The following ANO7 variants were observed in gnomAD, a reference collection of about 807,000 sequenced individuals.
ANO7 encodes the protein anoctamin-7.
In ANO7, 114 loss-of-function variants were observed where a neutral mutation model predicts 115.8. The ratio of observed to expected loss-of-function variants is 0.98; its 90% CI spans 0.85 to 1.15. The LOEUF (loss-of-function observed/expected upper bound fraction) is 1.15, where lower values mean the gene tolerates loss of function less well. ANO7 is among the 50% of genes most tolerant of loss of function. ANO7 has a pLI of 0.00. For missense variants in ANO7, 1,302 were observed against 1,201.2 expected (o/e 1.08, Z -1.24); for synonymous variants, 550 against 498.2 (o/e 1.10, Z -1.38).
chr2:241,238,603 G>A, the ANO7 span: 1 of 1,426,914 alleles, frequency 7.0e-7, no homozygotes, highest in Non-Finnish European at 9.3e-7. The surrounding 1 kb of genome is among the most constrained non-coding windows in gnomAD (Gnocchi z 4.9). Flanking sequence ...TCTCACATGG[G>A]AGGCGCCACT....
downstream of ANO7, among the ~76,000 whole-genome samples, chr2:241,230,512 C>T (rs1188460168): frequency 6.6e-6 from 1 of 152,238 alleles, no homozygotes; most frequent in Non-Finnish European, 1.5e-5. This position sits in a 1 kb window ranked among gnomAD's most constrained non-coding sequence, Gnocchi z 5.0. Flanking sequence ...AATTCCCACC[C>T]ACAGAGGACG....
chr2:241,210,266 G>A, intron 13 of ANO7, 29 bp from the exon 14 acceptor site: 1 of 1,607,796 alleles, frequency 6.2e-7, no homozygotes, highest in South Asian at 1.1e-5. Flanking sequence ...ACACCGTGAA[G>A]GGTCTCACGG....
At chr2:241,231,858 C>G in the ANO7 span, among the ~76,000 whole-genome samples, 5 of 152,092 alleles carry the variant, frequency 3.3e-5, no homozygotes, top group African/African-American at 7.2e-5. Context: ...GTCCACAACA[C>G]AAAAACCACC....
chr2:241,232,355 A>G, the ANO7 span, among the ~76,000 whole-genome samples: 1 of 151,198 alleles, frequency 6.6e-6, no homozygotes, highest in Non-Finnish European at 1.5e-5. Context: ...AGCTCACTGC[A>G]GCCTCCGCCT....
At chr2:241,239,749 C>G in the ANO7 span, 2 of 1,614,222 alleles carry the variant, frequency 1.2e-6, no homozygotes, top group Non-Finnish European at 8.5e-7. This position sits in a 1 kb window ranked among gnomAD's most constrained non-coding sequence, Gnocchi z 4.6. Context: ...CCCGCAAGAC[C>G]TGGCCTCTGC....
At chr2:241,229,642 G>C (rs1174659237), downstream of ANO7, 2 of 1,614,142 alleles carry the variant, frequency 1.2e-6, no homozygotes, top group Non-Finnish European at 8.5e-7. Context: ...GGAGCCACCT[G>C]AGCCCCAAAG....
At chr2:241,228,063 C>A (rs944664356), downstream of ANO7, 2 of 152,364 alleles carry the variant, frequency 1.3e-5, no homozygotes, top group South Asian at 2.1e-4. Context: ...TGGGTCTACT[C>A]AAGAATTCGA....
In ANO7 at chr2:241,203,045, A is replaced by C. The variant is rs1277606397; in HGVS notation, c.724-288A>C. 6.6e-6 allele frequency among the ~76,000 whole-genome samples: 1 copy of C among 152,120 alleles called. No individual in the cohort carries two copies. The highest frequency in any genetic ancestry group is 2.4e-5 in the African/African-American group (1 of 41,414). On this transcript the variant is annotated intron_variant, in intron 8 of 24. Transcript: ENST00000674324. The surrounding 1 kb of genome is among the most constrained non-coding windows in gnomAD (Gnocchi z 4.8). ...ACCCAGAGAAGGTGCTGGACCCTGGACCACCGCCACTGGCTTCTCTCAGGG... is the reference window on the plus strand; with the variant it reads ...ACCCAGAGAAGGTGCTGGACCCTGGCCCACCGCCACTGGCTTCTCTCAGGG...
At chr2:241,236,835 T>C in the ANO7 span, 1 of 1,539,620 alleles carries the variant, frequency 6.5e-7, no homozygotes, top group Non-Finnish European at 8.9e-7. Flanking sequence ...TTGTTCAGAA[T>C]GCATATGTCT....
Position 241,217,728 on chromosome 2 carries a change from C to A in ANO7, c.2015C>A (p.Pro672Gln). 6.2e-7 allele frequency: 1 copy of A among 1,600,918 alleles called. No individual in the cohort carries two copies. The highest frequency in any genetic ancestry group is 1.1e-5 in the South Asian group (1 of 89,268). The change falls in exon 20 of 25, where the codon CCG becomes CAG. Residue 672 changes from proline (P) to glutamine (Q), a missense_variant. By Grantham distance (76) the Pro-to-Gln change is moderately conservative. Coordinates refer to ENST00000674324, the MANE Select transcript of ANO7 (RefSeq NM_001370694.2). ...GFVTIFVAACPLAPLFALLNN... is the reference protein window; with the variant it reads ...GFVTIFVAACQLAPLFALLNN... ...GTCACCATCTTCGTGGCCGCCTGTC[C>A]GCTCGCGCCGCTCTTCGCCCTGCTC...
rs780436090 is a variant in ANO7 at position 241,209,605 on chromosome 2, G to C, written c.1329G>C (p.Met443Ile). The C allele has an allele frequency of 7.5e-6, 12 of 1,590,970 alleles. No homozygotes were observed. Among genetic ancestry groups the C allele is most frequent in the Non-Finnish European group, 9.4e-6 (11 of 1,169,232 alleles). The change falls in exon 13 of 25, where the codon ATG becomes ATC. Residue 443 changes from methionine (M) to isoleucine (I), a missense_variant. Coordinates refer to ENST00000674324, the MANE Select transcript of ANO7 (RefSeq NM_001370694.2). The part of the protein sequence containing the change: ...YFPERSRARR[M>I]LAGSVVIVVM... ...CTGAGAGGAGCCGCGCGCGCCGCAT[G>C]CTGGCCGGCTCTGTGGTGATCGTGG...
rs147198890 is a variant in ANO7, at chr2:241,209,557, G to A, written c.1281G>A (p.Thr427=). ...SAPMTAPNPI[T]GEDEPYFPER... ...CCATGACAGCCCCGAACCCCATCAC[G>A]GGTGAGGACGAGCCCTACTTCCCTG... The change falls in exon 13 of 25, where the codon ACG becomes ACA. Residue 427 remains threonine, a synonymous_variant. Transcript: ENST00000674324. 1.7e-3 allele frequency: 2,802 copies of A among 1,601,408 alleles called. 5 individuals carry two copies. The highest frequency in any genetic ancestry group is 2.2e-3 in the Non-Finnish European group (2,533 of 1,174,854).
Position 241,190,084 on chromosome 2 carries a change from G to A in ANO7, c.21G>A (p.Gln7=). Residue 7 remains glutamine, a synonymous_variant, in exon 2 of 25, where the codon CAG becomes CAA. Coordinates refer to ENST00000674324, the MANE Select transcript of ANO7 (RefSeq NM_001370694.2). ...GCAGGATGCTGCGGCGACGGGCCCA[G>A]GAAGAGGACAGCACCGTCCTGATCG... The part of the protein sequence containing the change: MLRRRA[Q]EEDSTVLIDV... 1 of 1,581,236 alleles carries A rather than the reference G, an allele frequency of 6.3e-7. No homozygotes were observed. Among genetic ancestry groups the A allele is most frequent in the South Asian group, 1.2e-5 (1 of 86,122 alleles).
At chr2:241,191,394 G>T (rs1476969406) in intron 3 of ANO7, 143 bp downstream of exon 3, 2 of 991,950 alleles carry the variant, frequency 2.0e-6, no homozygotes, top group Non-Finnish European at 3.0e-6. Flanking sequence ...GGGCACTGGG[G>T]TGAGGGCCTC....
intron 8 of ANO7, among the ~76,000 whole-genome samples, chr2:241,202,842 G>A (rs2068504036): frequency 6.6e-6 from 1 of 152,202 alleles, no homozygotes; most frequent in African/African-American, 2.4e-5. Context: ...CTGGGGCCTG[G>A]TCAGGCCTGA....
intron 4 of ANO7, among the ~76,000 whole-genome samples, chr2:241,197,286 G>C (rs1246868088): frequency 6.6e-6 from 1 of 152,156 alleles, no homozygotes. Flanking sequence ...TTTTAGTAGA[G>C]ACGGGGTTTC....
rs2069121823 is a variant in ANO7, at chr2:241,224,876, T to TGGCCCCTGGCCCAG, written c.*731_*744dup. ...CAACTTCCCTCCCTCTCCCAGCTCC[T>TGGCCCCTGGCCCAG]GGCCCCTGGCCCAGGGCCCCTCTTG... is the stretch of plus-strand genomic sequence containing the variant. On this transcript the variant is annotated 3_prime_UTR_variant, in exon 25 of 25. Coordinates refer to ENST00000674324, the MANE Select transcript of ANO7 (RefSeq NM_001370694.2). 1 of 152,238 alleles carries TGGCCCCTGGCCCAG rather than the reference T, an allele frequency of 6.6e-6. No homozygotes were observed. The highest frequency in any genetic ancestry group is 2.4e-5 in the African/African-American group (1 of 41,436). The allele number at this position is 152,238 out of a possible 1,614,324, so 9.4% of individuals were successfully genotyped here. A position where few individuals can be genotyped will look rare whatever the true frequency, so the allele number is the denominator to read the frequency against.
At chr2:241,234,467 G>A in the ANO7 span, among the ~76,000 whole-genome samples, 9,750 of 152,266 alleles carry the variant, frequency 0.064, 378 homozygotes, top group Middle Eastern at 0.14. Flanking sequence ...GACACCATGT[G>A]AGGTTCACGA....
In ANO7 at chr2:241,223,922, CG is replaced by C; in HGVS notation, c.2552del (p.Gly851GlufsTer62). 6.2e-7 allele frequency: 1 copy of C among 1,613,146 alleles called. No individual in the cohort carries two copies. The highest frequency in any genetic ancestry group is 2.2e-5 in the East Asian group (1 of 44,862). On this transcript the variant is annotated frameshift_variant, in exon 24 of 25. Coordinates refer to ENST00000674324, the MANE Select transcript of ANO7 (RefSeq NM_001370694.2). LOFTEE classifies it low-confidence loss of function (END_TRUNC). ...GGGGACAGGTTCTTTTTGGAACGAA[CG>C]GAACAAAGGATGAGCAGCCCGAGGG... ...AENEVLFGTN[G>X]TKDEQPEGSE...
Sources: gnomAD v4.1 joint callset for allele counts (sites outside exome capture counted in the v4.1 genomes callset) on GRCh38, gnomAD v4.1.1 for gene constraint, Gnocchi (gnomAD v3.1) non-coding constraint, MANE v1.5 for transcripts, NCBI Gene and HGNC (gene_info 2026-07-23, HGNC 2026-07-21) for gene names.